WDR64: variants seen among roughly 807,000 people sequenced by gnomAD.
WDR64 encodes WD repeat domain 64.
WDR64 carries 112 observed loss-of-function variants against 139.3 expected under a neutral mutation model. The observed-to-expected ratio is 0.80, with a 90% confidence interval of 0.69 to 0.94. The LOEUF is 0.94. WDR64 is among the 40% of genes least tolerant of loss of function. The probability of loss-of-function intolerance (pLI) is 0.00; values close to 1 mark genes in which losing one functional copy is unlikely to be tolerated. For missense variants in WDR64, 1,206 were observed against 1,293.1 expected, an observed-to-expected ratio of 0.93 and a Z score of 1.03; for synonymous variants, 444 against 437.7, an observed-to-expected ratio of 1.01 and a Z score of -0.18.
At position 241,780,030 on chromosome 1, in the gene WDR64, A is replaced by T; in HGVS notation, c.2563A>T (p.Ser855Cys). Residue 855 changes from serine (S) to cysteine (C), a missense_variant, in exon 22 of 28, where the codon AGC (serine) becomes TGC (cysteine). By Grantham distance (112) the Ser-to-Cys change is moderately radical. Transcript: ENST00000437684. ...VEGHVILCNI[S>C]SFLDPPHDEK... is the part of the protein sequence containing the mutation. ...AGGACATGTTATCCTTTGCAATATT[A>T]GCTCTTTCCTGGATCCACCTCATGA... 6.3e-7 allele frequency: 1 copy of T among 1,587,790 alleles called. No individual in the cohort carries two copies. The highest frequency in any genetic ancestry group is 8.5e-7 in the Non-Finnish European group (1 of 1,173,308).
In WDR64 at chr1:241,725,212, G is replaced by T. The variant is rs141133958; in HGVS notation, c.1194+1776G>T. ...AATAAAACTGGCAAAAACTTCCTGC[G>T]TATTTGTTCTAATAAAATAGCTAGA... On this transcript the variant is annotated intron_variant, in intron 10 of 27. Coordinates refer to ENST00000437684, the MANE Select transcript of WDR64 (RefSeq NM_001367482.1). Among the ~76,000 whole-genome samples the T allele has an allele frequency of 4.8e-3, 730 of 152,152 alleles. 10 individuals carry two copies. Among genetic ancestry groups the T allele is most frequent in the African/African-American group, 0.017 (716 of 41,494 alleles).
intron 15 of WDR64, among the ~76,000 whole-genome samples, chr1:241,765,573 T>C (rs959494521): frequency 2.0e-5 from 3 of 152,138 alleles, no homozygotes; most frequent in African/African-American, 4.8e-5. Context: ...AGAGTGGTAA[T>C]TGACAGTGGT....
In WDR64 at chr1:241,770,628, A is replaced by T. The variant is rs1182838982; in HGVS notation, c.2191A>T (p.Ser731Cys). ...TCCCCACTCCCCTTATAGGAGATCAAGTCAGGATTCCATATGTTCTTCATC... is the reference window on the plus strand; with the variant it reads ...TCCCCACTCCCCTTATAGGAGATCATGTCAGGATTCCATATGTTCTTCATC... ...FRTPECARRS[S>C]QDSICSSSQC... is the part of the protein sequence containing the mutation. Residue 731 changes from serine (S) to cysteine (C), a missense_variant, in exon 18 of 28, where the codon AGT becomes TGT. Transcript: ENST00000437684. 43 of 1,551,306 alleles carry T rather than the reference A, an allele frequency of 2.8e-5. 1 individual carries two copies. The highest frequency in any genetic ancestry group is 3.7e-5 in the Non-Finnish European group (42 of 1,146,826).
Position 241,775,060 on chromosome 1 carries a change from C to T in WDR64, c.2431-45C>T, listed in dbSNP as rs777861452. On this transcript the variant is annotated intron_variant, in intron 20 of 27. Transcript: ENST00000437684. ...ATTTCAATATTAAGATTTTATAAGACTTACTAGCAAAGAAAAAGTTTTATT... is the reference window on the plus strand; with the variant it reads ...ATTTCAATATTAAGATTTTATAAGATTTACTAGCAAAGAAAAAGTTTTATT... 44 of 1,431,972 alleles carry T rather than the reference C, an allele frequency of 3.1e-5. No homozygotes were observed. In the South Asian group the frequency reaches 5.2e-4, roughly 17 times the overall value. 88.7% of individuals were successfully genotyped at this position (1,431,972 alleles called of 1,614,324 possible).
At chr1:241,726,516 T>G (rs1265390435) in intron 10 of WDR64, among the ~76,000 whole-genome samples, 7 of 152,132 alleles carry the variant, frequency 4.6e-5, no homozygotes, top group African/African-American at 1.7e-4. Flanking sequence ...ACTTCAATAT[T>G]GCAGTTGAAA....
At chr1:241,725,553 G>T (rs557662302) in intron 10 of WDR64, among the ~76,000 whole-genome samples, 1 of 152,074 alleles carries the variant, frequency 6.6e-6, no homozygotes, top group African/African-American at 2.4e-5. Flanking sequence ...TCTCCCTGGA[G>T]CCCATGCTTG....
intron 17 of WDR64, 99 bp downstream of exon 17, chr1:241,769,604 T>A: frequency 9.4e-7 from 1 of 1,064,242 alleles, no homozygotes; most frequent in Non-Finnish European, 1.4e-6. Context: ...CCATTGAAAG[T>A]AATAGAAAGA....
At chr1:241,697,537 C>A (rs772555490) in intron 8 of WDR64, among the ~76,000 whole-genome samples, 1 of 152,152 alleles carries the variant, frequency 6.6e-6, no homozygotes, top group African/African-American at 2.4e-5. Context: ...ACTCCCCCAG[C>A]GTCGAACAGG....
At chr1:241,736,493 GT>G (rs545677069) in intron 10 of WDR64, among the ~76,000 whole-genome samples, 36 of 151,354 alleles carry the variant, frequency 2.4e-4, no homozygotes, top group Admixed American at 2.4e-3. Context: ...GAAAGGAAGA[GT>G]TTGTGTGAAT....
rs1668678767 is a variant in WDR64 at position 241,723,365 on chromosome 1, C to T, written c.1123C>T (p.His375Tyr). ...STKPVGKLVG[H>Y]MFSIAEIVTN... ...CAAGCCAGTAGGGAAACTTGTAGGACACATGTTCAGTATCGCCGAGATCGT... is the reference window on the plus strand; with the variant it reads ...CAAGCCAGTAGGGAAACTTGTAGGATACATGTTCAGTATCGCCGAGATCGT... The change falls in exon 10 of 28, where the codon CAC becomes TAC. Residue 375 changes from histidine (H) to tyrosine (Y), a missense_variant. Transcript: ENST00000437684. 2 of 1,613,968 alleles carry T rather than the reference C, an allele frequency of 1.2e-6. No individual in the cohort carries two copies. Among genetic ancestry groups the T allele is most frequent in the East Asian group, 2.2e-5 (1 of 44,870 alleles).
rs773051902 is a variant in WDR64, at chr1:241,749,575, T to C, written c.1623T>C (p.Ser541=). The C allele has an allele frequency of 9.3e-6, 15 of 1,614,092 alleles. No homozygotes were observed. Among genetic ancestry groups the C allele is most frequent in the South Asian group, 4.4e-5 (4 of 91,068 alleles). Residue 541 remains serine, a synonymous_variant, in exon 14 of 28, where the codon AGT becomes AGC. Coordinates refer to ENST00000437684, the MANE Select transcript of WDR64 (RefSeq NM_001367482.1). ...NGTVRIWDFG[S]GQEMKVLPEG... ...CAGTCAGAATCTGGGACTTTGGCAGTGGGCAGGAGATGAAGGTGTTGCCGG... is the reference window on the plus strand; with the variant it reads ...CAGTCAGAATCTGGGACTTTGGCAGCGGGCAGGAGATGAAGGTGTTGCCGG...
At chr1:241,681,229 T>C (rs1666778609) in intron 6 of WDR64, among the ~76,000 whole-genome samples, 1 of 152,194 alleles carries the variant, frequency 6.6e-6, no homozygotes, top group African/African-American at 2.4e-5. Flanking sequence ...TCCCAAGCAG[T>C]ATGTACTGAA....
intron 10 of WDR64, among the ~76,000 whole-genome samples, chr1:241,728,437 C>T (rs1313390860): frequency 1.3e-5 from 2 of 152,044 alleles, no homozygotes; most frequent in African/African-American, 4.8e-5. Context: ...AGACAACATC[C>T]CTTCAAACTC....
intron 21 of WDR64, among the ~76,000 whole-genome samples, chr1:241,777,132 T>C (rs1326428648): frequency 6.6e-6 from 1 of 152,202 alleles, no homozygotes; most frequent in African/African-American, 2.4e-5. Flanking sequence ...TCTGACTCTG[T>C]GGCCCAGGCT....
intron 8 of WDR64, among the ~76,000 whole-genome samples, chr1:241,701,734 G>A (rs1376783266): frequency 6.6e-6 from 1 of 152,150 alleles, no homozygotes; most frequent in African/African-American, 2.4e-5. Flanking sequence ...CCTAAATCTA[G>A]AAGCTGAAGA....
rs75662699 is a variant in WDR64, at chr1:241,773,901, T to A, written c.2430+970T>A. 1.6e-3 allele frequency among the ~76,000 whole-genome samples: 242 copies of A among 152,272 alleles called. 9 individuals are homozygous for A. The East Asian group carries it at 0.036, about 23-fold the overall frequency. ...AAAGGATATTAATGGTGTATTAGAGTAAAAGAATGTGAGAACACTGAAATG... is the reference window on the plus strand; with the variant it reads ...AAAGGATATTAATGGTGTATTAGAGAAAAAGAATGTGAGAACACTGAAATG... On this transcript the variant is annotated intron_variant, in intron 20 of 27. Transcript: ENST00000437684.
chr1:241,723,536 G>A, intron 10 of WDR64, 100 bp downstream of exon 10: 2 of 1,307,354 alleles, frequency 1.5e-6, no homozygotes, highest in Non-Finnish European at 2.1e-6. Context: ...ATAAATGATA[G>A]TCATTGAATC....
In WDR64 at chr1:241,723,379, C is replaced by T. The variant is rs138786182; in HGVS notation, c.1137C>T (p.Ile379=). 34 of 1,613,780 alleles carry T rather than the reference C, an allele frequency of 2.1e-5. No individual in the cohort carries two copies. Among genetic ancestry groups the T allele is most frequent in the East Asian group, 8.9e-5 (4 of 44,878 alleles). ...VGKLVGHMFS[I]AEIVTNEKDQ... Reference sequence around the variant, plus strand: ...AACTTGTAGGACACATGTTCAGTATCGCCGAGATCGTAACCAATGAAAAAG... The same window carrying T: ...AACTTGTAGGACACATGTTCAGTATTGCCGAGATCGTAACCAATGAAAAAG... Residue 379 remains isoleucine, a synonymous_variant, in exon 10 of 28, where the codon ATC becomes ATT. Transcript: ENST00000437684.
At position 241,675,083 on chromosome 1, in the gene WDR64, CTTCA is replaced by C. The variant is rs1415746531; in HGVS notation, c.483+338_483+341del. Among the ~76,000 whole-genome samples, 106 of 66,406 alleles carry C rather than the reference CTTCA, an allele frequency of 1.6e-3. 1 individual carries two copies. Among genetic ancestry groups the C allele is most frequent in the East Asian group, 2.7e-3 (4 of 1,506 alleles). The allele number at this position is 66,406 out of a possible 152,430, so 43.6% of individuals were successfully genotyped here. A position where few individuals can be genotyped will look rare whatever the true frequency, so the allele number is the denominator to read the frequency against. On this transcript the variant is annotated intron_variant, in intron 4 of 27. Coordinates refer to ENST00000437684, the MANE Select transcript of WDR64 (RefSeq NM_001367482.1). ...CCCTTCCTCCTTCCTGCCTCCCTCC[CTTCA>C]TCCTTCCTCCCTCCCTCCTTCCTTC...
Sources: gnomAD v4.1 joint callset for allele counts (sites outside exome capture counted in the v4.1 genomes callset) on GRCh38, gnomAD v4.1.1 for gene constraint, MANE v1.5 for transcripts, NCBI Gene and HGNC (gene_info 2026-07-23, HGNC 2026-07-21) for gene names.